The following SLC24A2 variants were observed in gnomAD, a reference collection of about 807,000 sequenced individuals.
SLC24A2 encodes solute carrier family 24 member 2, also known as sodium/potassium/calcium exchanger 2.
SLC24A2 carries 36 observed loss-of-function variants against 62.0 expected under a neutral mutation model. The ratio of observed to expected loss-of-function variants is 0.58; its 90% CI spans 0.44 to 0.77. The LOEUF (loss-of-function observed/expected upper bound fraction) is 0.77, where lower values mean the gene tolerates loss of function less well. Ranked by LOEUF, SLC24A2 falls within the 30% of genes least tolerant of loss-of-function variation. SLC24A2 has a pLI of 0.00. For synonymous variants in SLC24A2, 358 were observed against 294.0 expected (o/e 1.22, Z -2.23); for missense variants, 846 against 817.9 (o/e 1.03, Z -0.42).
At chr9:20,191,375 T>C in the SLC24A2 span, among the ~76,000 whole-genome samples, 2 of 152,050 alleles carry the variant, frequency 1.3e-5, no homozygotes, top group Admixed American at 1.3e-4. Flanking sequence ...CTTTTTCCTA[T>C]AAATAAGTTC....
the SLC24A2 span, among the ~76,000 whole-genome samples, chr9:19,956,040 A>T: frequency 2.0e-5 from 3 of 152,214 alleles, no homozygotes; most frequent in Non-Finnish European, 4.4e-5. Flanking sequence ...TAGAGGTACC[A>T]CATTAAGAAC....
At chr9:20,043,409 G>A in the SLC24A2 span, among the ~76,000 whole-genome samples, 1 of 152,202 alleles carries the variant, frequency 6.6e-6, no homozygotes. Context: ...CATTTTGTAA[G>A]GTGATAGCTG....
the SLC24A2 span, among the ~76,000 whole-genome samples, chr9:20,248,258 T>C: frequency 2.0e-5 from 3 of 152,340 alleles, no homozygotes; most frequent in South Asian, 2.1e-4. Flanking sequence ...ACATGGATTT[T>C]ATACATCGAG....
At chr9:20,063,311 C>T in the SLC24A2 span, among the ~76,000 whole-genome samples, 95 of 150,902 alleles carry the variant, frequency 6.3e-4, 1 homozygote, top group East Asian at 0.016. Flanking sequence ...ACTAGGCAGC[C>T]ATCAAAAATG....
At chr9:19,544,098 T>C (rs1406284882) in intron 8 of SLC24A2, among the ~76,000 whole-genome samples, 1 of 152,124 alleles carries the variant, frequency 6.6e-6, no homozygotes, top group Non-Finnish European at 1.5e-5. Flanking sequence ...ACTTGCCTTA[T>C]GAACTTGGAT....
At chr9:19,954,721 C>G in the SLC24A2 span, among the ~76,000 whole-genome samples, 5 of 152,132 alleles carry the variant, frequency 3.3e-5, no homozygotes, top group South Asian at 6.2e-4. Context: ...TCACACAATG[C>G]CTAACTCTGA....
intron 2 of SLC24A2, among the ~76,000 whole-genome samples, chr9:19,670,071 C>CT (rs2118307803): frequency 6.6e-6 from 1 of 152,288 alleles, no homozygotes; most frequent in East Asian, 1.9e-4. Context: ...CAGTAAAATC[C>CT]TCAGCACTCT....
At chr9:20,128,701 C>T in the SLC24A2 span, among the ~76,000 whole-genome samples, 6 of 152,188 alleles carry the variant, frequency 3.9e-5, no homozygotes, top group African/African-American at 1.2e-4. Context: ...TAAGACCGCT[C>T]AATGGGGAAA....
At chr9:19,524,714 G>T (rs953443605) in intron 9 of SLC24A2, among the ~76,000 whole-genome samples, 1 of 152,120 alleles carries the variant, frequency 6.6e-6, no homozygotes, top group Non-Finnish European at 1.5e-5. Context: ...GAAAAGTAAG[G>T]CTTCCATTTA....
the SLC24A2 span, among the ~76,000 whole-genome samples, chr9:19,842,651 A>G: frequency 1.3e-5 from 2 of 152,244 alleles, no homozygotes; most frequent in Admixed American, 1.3e-4. Flanking sequence ...TGTTCCCACC[A>G]ATGAACACAA....
At chr9:19,576,441 G>A (rs1586986470) in intron 6 of SLC24A2, among the ~76,000 whole-genome samples, 1 of 152,166 alleles carries the variant, frequency 6.6e-6, no homozygotes, top group Non-Finnish European at 1.5e-5. Flanking sequence ...ATCTCAAAAG[G>A]ACTCTGTCAC....
At chr9:19,727,917 C>T (rs192780202) in intron 2 of SLC24A2, among the ~76,000 whole-genome samples, 1 of 152,236 alleles carries the variant, frequency 6.6e-6, no homozygotes, top group Admixed American at 6.5e-5. Context: ...TGTGGTATAT[C>T]CCTAAAAGTT....
chr9:20,232,742 C>A, the SLC24A2 span, among the ~76,000 whole-genome samples: 4 of 152,102 alleles, frequency 2.6e-5, no homozygotes, highest in Non-Finnish European at 5.9e-5. Context: ...TCCTTCAGTT[C>A]TGTTCTGATC....
the SLC24A2 span, among the ~76,000 whole-genome samples, chr9:20,198,132 G>C: frequency 6.6e-6 from 1 of 152,214 alleles, no homozygotes; most frequent in Non-Finnish European, 1.5e-5. Context: ...AGGGATTGAG[G>C]GGGTGAGAGA....
chr9:20,127,302 A>C, the SLC24A2 span, among the ~76,000 whole-genome samples: 28 of 152,206 alleles, frequency 1.8e-4, no homozygotes, highest in African/African-American at 6.5e-4. Context: ...TTGCTGATTG[A>C]TTTTAATATT....
chr9:20,192,850 A>G, the SLC24A2 span, among the ~76,000 whole-genome samples: 6 of 152,194 alleles, frequency 3.9e-5, no homozygotes, highest in African/African-American at 1.4e-4. Flanking sequence ...CTCAAGAGCC[A>G]GCAAGACTTC....
At chr9:19,872,161 G>C in the SLC24A2 span, among the ~76,000 whole-genome samples, 2 of 152,162 alleles carry the variant, frequency 1.3e-5, no homozygotes, top group African/African-American at 4.8e-5. Flanking sequence ...CCAATATGTA[G>C]TAACAGGAAG....
At chr9:19,889,308 G>A in the SLC24A2 span, among the ~76,000 whole-genome samples, 1 of 152,142 alleles carries the variant, frequency 6.6e-6, no homozygotes, top group Admixed American at 6.5e-5. Flanking sequence ...CTCATCTGTA[G>A]TGCAAGTTTA....
chr9:19,575,637 A>C (rs1418883099), intron 6 of SLC24A2, among the ~76,000 whole-genome samples: 1 of 152,246 alleles, frequency 6.6e-6, no homozygotes, highest in African/African-American at 2.4e-5. Context: ...AAAGTCATTG[A>C]GAGCCCCAAT....
Sources: allele counts gnomAD v4.1 joint callset (sites outside exome capture counted in the v4.1 genomes callset), GRCh38; gene constraint gnomAD v4.1.1; transcripts MANE v1.5; gene names NCBI Gene and HGNC (gene_info 2026-07-23, HGNC 2026-07-21).